The following LARP4B variants were observed in gnomAD, a reference collection of about 807,000 sequenced individuals.
The protein encoded by LARP4B is La ribonucleoprotein 4B, also known as la-related protein 4B.
A neutral mutation model predicts 89.8 loss-of-function variants in LARP4B; 12 were observed. That is an observed-to-expected ratio of 0.13 (90% CI 0.09 to 0.22). The LOEUF is 0.22. Among genes scored for constraint, LARP4B ranks in the 10% least tolerant of loss-of-function variants. The pLI is 1.00. For synonymous variants in LARP4B, 367 were observed against 363.3 expected, an observed-to-expected ratio of 1.01 and a Z score of -0.12; for missense variants, 757 against 947.7, an observed-to-expected ratio of 0.80 and a Z score of 2.64.
the LARP4B span, among the ~76,000 whole-genome samples, chr10:984,358 T>G: frequency 6.6e-6 from 1 of 152,236 alleles, no homozygotes; most frequent in Non-Finnish European, 1.5e-5. Context: ...AATACGTGTA[T>G]GATTATTATC....
At chr10:918,817 C>T (rs1346504739) in intron 1 of LARP4B, among the ~76,000 whole-genome samples, 1 of 152,148 alleles carries the variant, frequency 6.6e-6, no homozygotes, top group Admixed American at 6.5e-5. Flanking sequence ...TGGCTCACGC[C>T]TGTAATCCCA....
chr10:831,932 G>T (rs1224974303), intron 8 of LARP4B, among the ~76,000 whole-genome samples: 4 of 152,142 alleles, frequency 2.6e-5, no homozygotes, highest in Non-Finnish European at 5.9e-5. Flanking sequence ...TGACAGATAC[G>T]ATAGACTTAA....
chr10:914,019 A>G (rs1261380690), intron 1 of LARP4B, among the ~76,000 whole-genome samples: 1 of 152,206 alleles, frequency 6.6e-6, no homozygotes, highest in East Asian at 1.9e-4. Flanking sequence ...TCTTAAAGCC[A>G]TGTTATGTTA....
intron 1 of LARP4B, among the ~76,000 whole-genome samples, chr10:911,715 T>A (rs1471863866): frequency 2.0e-5 from 3 of 152,048 alleles, no homozygotes; most frequent in Non-Finnish European, 4.4e-5. Context: ...CAGTACGGAG[T>A]CTGAAGAGTT....
chr10:959,885 G>A, the LARP4B span, among the ~76,000 whole-genome samples: 8 of 88,778 alleles, frequency 9.0e-5, no homozygotes, highest in Admixed American at 2.5e-4. Context: ...CCACCTCCTC[G>A]TCAATCCACC....
At chr10:909,113 T>A (rs949318905) in intron 1 of LARP4B, among the ~76,000 whole-genome samples, 1 of 151,794 alleles carries the variant, frequency 6.6e-6, no homozygotes, top group East Asian at 1.9e-4. Context: ...GCTAACACGG[T>A]GAAACCCCGT....
At chr10:966,837 C>G in the LARP4B span, among the ~76,000 whole-genome samples, 1 of 152,180 alleles carries the variant, frequency 6.6e-6, no homozygotes, top group Non-Finnish European at 1.5e-5. Context: ...CCCTCACCCC[C>G]ACTGTGGCTG....
chr10:855,491 G>A (rs137886453), intron 5 of LARP4B, among the ~76,000 whole-genome samples: 10 of 152,258 alleles, frequency 6.6e-5, no homozygotes, highest in Non-Finnish European at 1.2e-4. Flanking sequence ...CAAAGAGAGA[G>A]AGAGACAAGG....
chr10:972,365 G>A, the LARP4B span: 3 of 411,236 alleles, frequency 7.3e-6, no homozygotes, highest in Non-Finnish European at 1.4e-5. Context: ...CCAGGGGAAG[G>A]CCCTCACCAG....
chr10:909,092 A>T (rs1404473333), intron 1 of LARP4B, among the ~76,000 whole-genome samples: 1 of 151,978 alleles, frequency 6.6e-6, no homozygotes, highest in Non-Finnish European at 1.5e-5. Flanking sequence ...CAGGAGATCA[A>T]GATCATCCTG....
At chr10:837,565 C>T (rs1253167345) in intron 7 of LARP4B, among the ~76,000 whole-genome samples, 1 of 152,160 alleles carries the variant, frequency 6.6e-6, no homozygotes, top group Admixed American at 6.5e-5. Context: ...TATAACGTTA[C>T]AGTGATTAAG....
the LARP4B span, among the ~76,000 whole-genome samples, chr10:958,099 C>T: frequency 1.2e-4 from 18 of 152,262 alleles, no homozygotes; most frequent in African/African-American, 3.9e-4. Context: ...GCCTGGCCTC[C>T]GATTGATTTC....
intron 1 of LARP4B, among the ~76,000 whole-genome samples, chr10:920,771 C>CA (rs1287314798): frequency 2.0e-5 from 3 of 150,588 alleles, no homozygotes; most frequent in South Asian, 2.1e-4. Flanking sequence ...GACTCTGTCT[C>CA]AAAAAAAAGG....
chr10:984,051 T>C, the LARP4B span, among the ~76,000 whole-genome samples: 1 of 152,232 alleles, frequency 6.6e-6, no homozygotes, highest in Non-Finnish European at 1.5e-5. Flanking sequence ...TAAAGCATTA[T>C]GGTTTCCTTG....
At chr10:931,103 G>GC (rs1193368872) in intron 1 of LARP4B, among the ~76,000 whole-genome samples, 2 of 150,552 alleles carry the variant, frequency 1.3e-5, no homozygotes, top group African/African-American at 4.8e-5. Flanking sequence ...GTCCTCCTAA[G>GC]CCCCGGCCCC....
intron 1 of LARP4B, among the ~76,000 whole-genome samples, chr10:927,285 C>CG (rs925462680): frequency 1.2e-4 from 18 of 151,084 alleles, no homozygotes; most frequent in East Asian, 3.9e-4. Flanking sequence ...TATGGGGTGG[C>CG]GGGGGGGCAG....
chr10:936,744 C>CAGATTTACTA (rs1030167246), upstream of LARP4B, among the ~76,000 whole-genome samples: 71 of 152,094 alleles, frequency 4.7e-4, no homozygotes, highest in Admixed American at 1.6e-3. Context: ...AACAAAAAAC[C>CAGATTTACTA]AGATTTACTA....
At chr10:958,159 G>C in the LARP4B span, among the ~76,000 whole-genome samples, 4 of 152,128 alleles carry the variant, frequency 2.6e-5, no homozygotes, top group African/African-American at 9.7e-5. Flanking sequence ...GTTGTCACTT[G>C]GATTTGCTCA....
the LARP4B span, chr10:987,668 G>A: frequency 6.6e-6 from 1 of 152,252 alleles, no homozygotes; most frequent in Non-Finnish European, 1.5e-5. Flanking sequence ...TGTGGCCCTG[G>A]GTTCCCAAAG....
Sources: gnomAD v4.1 joint callset for allele counts (sites outside exome capture counted in the v4.1 genomes callset) on GRCh38, gnomAD v4.1.1 for gene constraint, MANE v1.5 for transcripts, NCBI Gene and HGNC (gene_info 2026-07-23, HGNC 2026-07-21) for gene names.